Variants in RAB11FIP3 observed in about 807,000 individuals in gnomAD.
RAB11FIP3 encodes the protein rab11 family-interacting protein 3.
In RAB11FIP3, 17 loss-of-function variants were observed where a neutral mutation model predicts 77.8. That is an observed-to-expected ratio of 0.22 (90% confidence interval 0.15 to 0.33). The LOEUF (loss-of-function observed/expected upper bound fraction) is 0.33, where lower values mean the gene tolerates loss of function less well. Among genes scored for constraint, RAB11FIP3 ranks in the 10% least tolerant of loss-of-function variants. The pLI is 1.00. For synonymous variants in RAB11FIP3, 437 were observed against 448.2 expected (o/e 0.98, Z 0.31); for missense variants, 1,005 against 1,011.2 (o/e 0.99, Z 0.08).
chr16:492,388 A>ACCCGAGGCCGTCCAGG (rs1158189106), intron 5 of RAB11FIP3, among the ~76,000 whole-genome samples: 3 of 39,502 alleles, frequency 7.6e-5, no homozygotes, highest in East Asian at 7.6e-4. Context: ...GGCCGCCCAG[A>ACCCGAGGCCGTCCAGG]GCCCTCCCCG....
intron 8 of RAB11FIP3, among the ~76,000 whole-genome samples, chr16:508,147 C>A (rs1025586463): frequency 5.9e-5 from 9 of 152,352 alleles, no homozygotes; most frequent in Admixed American, 5.2e-4. Context: ...TTTCCTCCCA[C>A]CCTGCTCCAG....
At chr16:495,712 C>T (rs1422216284) in intron 5 of RAB11FIP3, among the ~76,000 whole-genome samples, 4 of 152,144 alleles carry the variant, frequency 2.6e-5, no homozygotes, top group Non-Finnish European at 4.4e-5. Flanking sequence ...AGGGGCTCTA[C>T]GTTAATACCT....
rs1245420377 is a variant in RAB11FIP3, at chr16:521,778, C to T, written c.*939C>T. 2.0e-5 allele frequency: 3 copies of T among 152,276 alleles called. No individual in the cohort carries two copies. The highest frequency in any genetic ancestry group is 7.2e-5 in the African/African-American group (3 of 41,458). 9.4% of individuals were successfully genotyped at this position (152,276 alleles called of 1,614,324 possible). ...CCCCACGCACTTCCCAGGCCAGAATCCAAACATCGGGAACCCTGTTTTCTT... is the reference window on the plus strand; with the variant it reads ...CCCCACGCACTTCCCAGGCCAGAATTCAAACATCGGGAACCCTGTTTTCTT... On this transcript the variant is annotated 3_prime_UTR_variant, in exon 14 of 14. Coordinates refer to ENST00000262305, the MANE Select transcript of RAB11FIP3 (RefSeq NM_014700.4).
rs2141870648 is a variant in RAB11FIP3, at chr16:506,573, C to CA, written c.1499+947dup. On this transcript the variant is annotated intron_variant, in intron 8 of 13. Transcript: ENST00000262305. The surrounding 1 kb of genome is among the most constrained non-coding windows in gnomAD (Gnocchi z 4.5). ...TTCAGGGCTCTGAGCAGCCTGCACA[C>CA]ACGTGTGTTGGCAGCAGGGCATTTG... Among the ~76,000 whole-genome samples the CA allele has an allele frequency of 6.6e-6, 1 of 152,314 alleles. No individual in the cohort carries two copies. Among genetic ancestry groups the CA allele is most frequent in the African/African-American group, 2.4e-5 (1 of 41,572 alleles).
intron 2 of RAB11FIP3, among the ~76,000 whole-genome samples, chr16:463,563 C>CGA (rs1260517558): frequency 6.6e-6 from 1 of 151,706 alleles, no homozygotes; most frequent in Non-Finnish European, 1.5e-5. Flanking sequence ...CTCAGCCTCC[C>CGA]GAGTACCTGG....
Position 505,769 on chromosome 16 carries a change from G to A in RAB11FIP3, c.1499+142G>A, listed in dbSNP as rs569097446. 64 of 722,414 alleles carry A rather than the reference G, an allele frequency of 8.9e-5. No homozygotes were observed. Among genetic ancestry groups the A allele is most frequent in the Non-Finnish European group, 1.3e-4 (60 of 447,208 alleles). The allele number at this position is 722,414 out of a possible 1,614,324, so 44.8% of individuals were successfully genotyped here. A position where few individuals can be genotyped will look rare whatever the true frequency, so the allele number is the denominator to read the frequency against. ...GTTGGAAGCCGGCTGAGGGGGTGGT[G>A]CCAGGTGGTCATCTGAGCCTACCCA... On this transcript the variant is annotated intron_variant, in intron 8 of 13. Transcript: ENST00000262305. This position sits in a 1 kb window ranked among gnomAD's most constrained non-coding sequence, Gnocchi z 4.0.
At chr16:520,396 C>T in intron 12 of RAB11FIP3, 63 bp from the exon 13 acceptor site, 2 of 1,602,726 alleles carry the variant, frequency 1.2e-6, no homozygotes, top group South Asian at 1.1e-5. Flanking sequence ...CCCGGGCAGT[C>T]CTTGTCCCTG....
chr16:508,381 T>C (rs1328880786), intron 8 of RAB11FIP3, among the ~76,000 whole-genome samples: 2 of 152,212 alleles, frequency 1.3e-5, no homozygotes, highest in Non-Finnish European at 2.9e-5. Flanking sequence ...TTTTGTTTTG[T>C]TTTGTTTTTT....
At chr16:463,791 T>C (rs549698657) in intron 2 of RAB11FIP3, among the ~76,000 whole-genome samples, 3 of 152,156 alleles carry the variant, frequency 2.0e-5, no homozygotes, top group African/African-American at 7.2e-5. Flanking sequence ...CCCATGAACA[T>C]GTTGTGGGAC....
rs187821909 is a variant in RAB11FIP3 at position 446,137 on chromosome 16, G to A, written c.715-15267G>A. On this transcript the variant is annotated intron_variant, in intron 1 of 13. Coordinates refer to ENST00000262305, the MANE Select transcript of RAB11FIP3 (RefSeq NM_014700.4). ...ATGGGGGTGCGTGTCTCAACTACTCGGGAGGCTGAAGTGGGAAGATTACTG... is the reference window on the plus strand; with the variant it reads ...ATGGGGGTGCGTGTCTCAACTACTCAGGAGGCTGAAGTGGGAAGATTACTG... Among the ~76,000 whole-genome samples, 75 of 152,162 alleles carry A rather than the reference G, an allele frequency of 4.9e-4. No individual in the cohort carries two copies. In the South Asian group the frequency reaches 5.0e-3, roughly 10 times the overall value.
Position 472,587 on chromosome 16 carries a change from A to G in RAB11FIP3, c.903+1198A>G, listed in dbSNP as rs1213470250. On this transcript the variant is annotated intron_variant, in intron 3 of 13. Transcript: ENST00000262305. This position sits in a 1 kb window ranked among gnomAD's most constrained non-coding sequence, Gnocchi z 4.1. ...GGAGATGCCCAAGGCTCTGCAGGGTAACCCAGAGCCCTTGGTCTGCAACGT... is the reference window on the plus strand; with the variant it reads ...GGAGATGCCCAAGGCTCTGCAGGGTGACCCAGAGCCCTTGGTCTGCAACGT... Among the ~76,000 whole-genome samples, 2 of 152,202 alleles carry G rather than the reference A, an allele frequency of 1.3e-5. No homozygotes were observed. The highest frequency in any genetic ancestry group is 2.9e-5 in the Non-Finnish European group (2 of 68,030).
At position 476,031 on chromosome 16, in the gene RAB11FIP3, T is replaced by G. The variant is rs763600072; in HGVS notation, c.903+4642T>G. Among the ~76,000 whole-genome samples the G allele has an allele frequency of 2.0e-5, 3 of 152,076 alleles. 1 individual carries two copies. Among genetic ancestry groups the G allele is most frequent in the South Asian group, 4.1e-4 (2 of 4,826 alleles). ...CCACCACACCCAGCTAATTTTTGTA[T>G]TTTTAGGAGAAACAGGGTTTCACCA... On this transcript the variant is annotated intron_variant, in intron 3 of 13. Transcript: ENST00000262305.
At chr16:520,343 G>A (rs575634428) in intron 12 of RAB11FIP3, 66 bp downstream of exon 12, 10 of 1,568,482 alleles carry the variant, frequency 6.4e-6, no homozygotes, top group African/African-American at 2.7e-5. Flanking sequence ...GGTTGGGAAG[G>A]GGGGGCCGTG....
chr16:459,124 C>CTT (rs577962652), intron 1 of RAB11FIP3, among the ~76,000 whole-genome samples: 21 of 135,572 alleles, frequency 1.5e-4, no homozygotes, highest in South Asian at 4.7e-4. Flanking sequence ...AGTGTTCAAA[C>CTT]TTTTTTTTTT....
intron 5 of RAB11FIP3, chr16:491,278 C>G: frequency 2.3e-6 from 3 of 1,303,374 alleles, no homozygotes; most frequent in South Asian, 1.2e-5. Flanking sequence ...GGTAACTGAC[C>G]AGCGCCTGGC....
In RAB11FIP3 at chr16:509,298, T is replaced by A. The variant is rs565620258; in HGVS notation, c.1500-1362T>A. Among the ~76,000 whole-genome samples the A allele has an allele frequency of 2.4e-3, 360 of 152,380 alleles. 6 individuals carry two copies. The highest frequency in any genetic ancestry group is 8.3e-3 in the African/African-American group (346 of 41,590). The stretch of plus-strand genomic sequence containing the variant: ...AGCAGGCTGCCCTGACGCTGCAGCT[T>A]TGGCTCTCTGCTCGCGGAGGCCGCT... On this transcript the variant is annotated intron_variant, in intron 8 of 13. Coordinates refer to ENST00000262305, the MANE Select transcript of RAB11FIP3 (RefSeq NM_014700.4).
chr16:437,920 C>T (rs190603536), intron 1 of RAB11FIP3, among the ~76,000 whole-genome samples: 6 of 152,156 alleles, frequency 3.9e-5, no homozygotes, highest in African/African-American at 1.4e-4. Flanking sequence ...AGTGATTCTC[C>T]TGCCTTAGTC....
chr16:483,548 C>T (rs1033981853), intron 4 of RAB11FIP3, among the ~76,000 whole-genome samples: 2 of 152,192 alleles, frequency 1.3e-5, no homozygotes, highest in Non-Finnish European at 2.9e-5. Flanking sequence ...GTGGCAGGCC[C>T]TGAAAGAAAT....
intron 1 of RAB11FIP3, among the ~76,000 whole-genome samples, chr16:446,670 A>AGTCC (rs546400028): frequency 4.5e-4 from 69 of 152,144 alleles, no homozygotes; most frequent in African/African-American, 1.7e-3. Flanking sequence ...ATTTCCATAT[A>AGTCC]GTCCTTTTTA....
Sources: gnomAD v4.1 joint callset for allele counts (sites outside exome capture counted in the v4.1 genomes callset) on GRCh38, gnomAD v4.1.1 for gene constraint, Gnocchi (gnomAD v3.1) non-coding constraint, MANE v1.5 for transcripts, NCBI Gene and HGNC (gene_info 2026-07-23, HGNC 2026-07-21) for gene names.